USP6: variants seen among roughly 807,000 people sequenced by gnomAD.
USP6 encodes the protein ubiquitin carboxyl-terminal hydrolase 6.
In USP6, 128 loss-of-function variants were observed where a neutral mutation model predicts 175.7. The observed-to-expected ratio is 0.73, with a 90% CI of 0.63 to 0.84. USP6 has a LOEUF of 0.84. Among genes scored for constraint, USP6 ranks in the 40% least tolerant of loss-of-function variants. The pLI is 0.00. For synonymous variants in USP6, 562 were observed against 630.6 expected (o/e 0.89, Z 1.63); for missense variants, 1,498 against 1,760.3 (o/e 0.85, Z 2.67).
At chr17:5,147,587 T>C (rs1468826841) in intron 29 of USP6, among the ~76,000 whole-genome samples, 3 of 152,252 alleles carry the variant, frequency 2.0e-5, no homozygotes, top group African/African-American at 7.2e-5. Flanking sequence ...TAGTATGCTT[T>C]GTCTATTCTT....
chr17:5,148,722 T>A lies in USP6; in HGVS notation c.2598T>A (p.Pro866=). 6.2e-7 allele frequency: 1 copy of A among 1,613,920 alleles called. No individual in the cohort carries two copies. Among genetic ancestry groups the A allele is most frequent in the Non-Finnish European group, 8.5e-7 (1 of 1,179,844 alleles). Residue 866 remains proline (P), a synonymous_variant, in exon 30 of 38, where the codon CCT becomes CCA. Transcript: ENST00000574788. The part of the protein sequence containing the change: ...GMVNGHMPSL[P]DSPFTGYIIA... ...TTAATGGTCACATGCCATCTCTTCC[T>A]GACAGCCCCTTTACAGGTTACATCA...
chr17:5,161,773 T>A (rs1243969421), intron 32 of USP6, among the ~76,000 whole-genome samples, 159 bp downstream of exon 32: 9 of 152,248 alleles, frequency 5.9e-5, no homozygotes, highest in Admixed American at 5.9e-4. Flanking sequence ...CCCATCACTT[T>A]GAGAAGCCGA....
intron 4 of USP6, among the ~76,000 whole-genome samples, chr17:5,123,483 C>T (rs955108236): frequency 1.3e-5 from 2 of 152,080 alleles, no homozygotes; most frequent in Non-Finnish European, 2.9e-5. Flanking sequence ...CCGCGTCACC[C>T]GGCAGCAAAC....
chr17:5,164,569 G>A (rs1220264482), intron 33 of USP6, among the ~76,000 whole-genome samples: 2 of 152,168 alleles, frequency 1.3e-5, no homozygotes, highest in African/African-American at 2.4e-5. Flanking sequence ...GTGTGCAATC[G>A]GAAAAGCTCT....
intron 4 of USP6, among the ~76,000 whole-genome samples, chr17:5,123,333 C>A (rs370840459): frequency 6.6e-6 from 1 of 152,034 alleles, no homozygotes; most frequent in South Asian, 2.1e-4. Flanking sequence ...CCTCCCCGCC[C>A]GGGCACGGCC....
At position 5,130,391 on chromosome 17, in the gene USP6, T is replaced by C. The variant is rs762989450; in HGVS notation, c.24T>C (p.Asp8=). The change falls in exon 10 of 38, where the codon GAT becomes GAC. Residue 8 remains aspartate, a synonymous_variant. Coordinates refer to ENST00000574788, the MANE Select transcript of USP6 (RefSeq NM_001304284.2). ...GGATGGACATGGTAGAGAATGCAGA[T>C]AGTTTGCAGGCACAGGAGCGGAAGG... The part of the protein sequence containing the change: MDMVENA[D]SLQAQERKDI... 11 of 1,613,992 alleles carry C rather than the reference T, an allele frequency of 6.8e-6. No individual in the cohort carries two copies. Among genetic ancestry groups the C allele is most frequent in the African/African-American group, 1.3e-5 (1 of 74,894 alleles).
rs759660648 is a variant in USP6 at position 5,155,606 on chromosome 17, G to A, written c.2828G>A (p.Arg943His). 22 of 1,613,634 alleles carry A rather than the reference G, an allele frequency of 1.4e-5. No individual in the cohort carries two copies. Among genetic ancestry groups the A allele is most frequent in the Middle Eastern group, 1.7e-4 (1 of 6,060 alleles). Reference sequence around the variant, plus strand: ...GAAGCTAGTATTCATGCCCAGGATCGGTGAGTTCAGGGGATCCATCTAAAC... The same window carrying A: ...GAAGCTAGTATTCATGCCCAGGATCAGTGAGTTCAGGGGATCCATCTAAAC... ...PQEASIHAQD[R>H]DNCMGYQYPF... Residue 943 changes from arginine (R) to histidine (H), a missense_variant and splice_region_variant, in exon 31 of 38, where the codon CGT becomes CAT. By Grantham distance (29) the Arg-to-His change is conservative. This residue lies in a region of USP6 where 1,217 missense variants were observed against 1,500.8 expected (regional missense o/e 0.81). Coordinates refer to ENST00000574788, the MANE Select transcript of USP6 (RefSeq NM_001304284.2).
chr17:5,145,373 T>C, intron 26 of USP6, 32 bp from the exon 27 acceptor site: 1 of 1,550,454 alleles, frequency 6.4e-7, no homozygotes, highest in South Asian at 1.2e-5. Context: ...TTTTGGATTT[T>C]GAGAGAAAAT....
chr17:5,155,113 A>G (rs1390714137), intron 30 of USP6, among the ~76,000 whole-genome samples: 1 of 152,242 alleles, frequency 6.6e-6, no homozygotes, highest in Non-Finnish European at 1.5e-5. Context: ...ACTAGTTTTT[A>G]CATGTGATTC....
At chr17:5,169,804 A>G (rs2074175021) in intron 35 of USP6, among the ~76,000 whole-genome samples, 2 of 151,980 alleles carry the variant, frequency 1.3e-5, no homozygotes, top group Non-Finnish European at 2.9e-5. Context: ...TCTCTCACAG[A>G]TGTACAATGG....
In USP6 at chr17:5,128,978, A is replaced by T. The variant is rs1347976981; in HGVS notation, c.-311A>T. The T allele has an allele frequency of 1.3e-5, 2 of 152,732 alleles. No individual in the cohort carries two copies. The highest frequency in any genetic ancestry group is 2.9e-5 in the Non-Finnish European group (2 of 68,138). The allele number at this position is 152,732 out of a possible 1,614,324, so 9.5% of individuals were successfully genotyped here. ...CTGACTTGGGGACAGTGGCTATGGT[A>T]TGGGCGGTGTTGGCCTCTGGGCAGC... On this transcript the variant is annotated 5_prime_UTR_variant, in exon 8 of 38. An upstream start codon of the reference 5' UTR is lost. Transcript: ENST00000574788.
chr17:5,151,730 A>G (rs2073778224), intron 30 of USP6, among the ~76,000 whole-genome samples: 1 of 152,194 alleles, frequency 6.6e-6, no homozygotes, highest in Admixed American at 6.5e-5. Context: ...CAAAGAGAAC[A>G]TTGCAGGGTG....
chr17:5,135,998 C>T (rs1474599688), intron 17 of USP6, 70 bp downstream of exon 17: 76 of 1,594,384 alleles, frequency 4.8e-5, no homozygotes, highest in Non-Finnish European at 5.5e-5. Flanking sequence ...CAGGTGATCT[C>T]GGCTTTCAGC....
At chr17:5,120,230 G>A (rs950256330) in intron 2 of USP6, among the ~76,000 whole-genome samples, 4 of 152,138 alleles carry the variant, frequency 2.6e-5, no homozygotes, top group African/African-American at 9.7e-5. Context: ...TGACACCAAC[G>A]TAGGGTTGCT....
rs149187210 is a variant in USP6 at position 5,167,980 on chromosome 17, G to A, written c.3085G>A (p.Glu1029Lys). ...SVEQSRRAQA[E>K]PINLDSCLRA... ...GGAGCAGAGTCGGCGAGCGCAAGCC[G>A]AGCCCATCAACCTGGACAGCTGTCT... Residue 1029 changes from glutamate to lysine, a missense_variant, in exon 34 of 38, where the codon GAG (glutamate) becomes AAG (lysine). By Grantham distance (56) the Glu-to-Lys change is moderately conservative (BLOSUM62 1). Coordinates refer to ENST00000574788, the MANE Select transcript of USP6 (RefSeq NM_001304284.2). 22 of 1,611,934 alleles carry A rather than the reference G, an allele frequency of 1.4e-5. No homozygotes were observed. The highest frequency in any genetic ancestry group is 1.2e-4 in the African/African-American group (9 of 74,938).
rs775196233 is a variant in USP6 at position 5,148,689 on chromosome 17, T to G, written c.2565T>G (p.Asn855Lys). 3 of 1,613,938 alleles carry G rather than the reference T, an allele frequency of 1.9e-6. No individual in the cohort carries two copies. The highest frequency in any genetic ancestry group is 2.5e-6 in the Non-Finnish European group (3 of 1,179,854). ...GTGGAACTGAGAAGAACTTCACAAA[T>G]GGAATGGTTAATGGTCACATGCCAT... ...VPCGTEKNFT[N>K]GMVNGHMPSL... is the part of the protein sequence containing the mutation. Residue 855 changes from asparagine (N) to lysine (K), a missense_variant, in exon 30 of 38, where the codon AAT becomes AAG. Physicochemically the swap from Asn to Lys is moderately conservative, Grantham distance 94 (BLOSUM62 0). Around this residue, in one of 2 missense-constraint regions of USP6, gnomAD observed 1,217 missense variants for 1,500.8 expected, o/e 0.81. Coordinates refer to ENST00000574788, the MANE Select transcript of USP6 (RefSeq NM_001304284.2).
At position 5,137,111 on chromosome 17, in the gene USP6, A is replaced by C. The variant is rs749468161; in HGVS notation, c.760-10A>C. On this transcript the variant is annotated splice_polypyrimidine_tract_variant and intron_variant, in intron 18 of 37. Transcript: ENST00000574788. ...CAGGGGGCCCTGAGCACCTCTGTTC[A>C]TCCCATCAGGACAAGGAAGGTCTAT... 22 of 1,613,252 alleles carry C rather than the reference A, an allele frequency of 1.4e-5. No homozygotes were observed. The highest frequency in any genetic ancestry group is 1.6e-4 in the Middle Eastern group (1 of 6,068).
At chr17:5,159,841 T>G (rs1026787920) in intron 31 of USP6, among the ~76,000 whole-genome samples, 2 of 151,556 alleles carry the variant, frequency 1.3e-5, no homozygotes, top group African/African-American at 2.4e-5. Flanking sequence ...TGCATGCCTG[T>G]AATCCTAGCT....
At chr17:5,172,737 T>C in intron 37 of USP6, 68 bp from the exon 38 acceptor site, 1 of 1,588,518 alleles carries the variant, frequency 6.3e-7, no homozygotes, top group African/African-American at 1.3e-5. Flanking sequence ...TGGTCTTCCC[T>C]TTCCTGGCAA....
Sources: allele counts gnomAD v4.1 joint callset (sites outside exome capture counted in the v4.1 genomes callset), GRCh38; gene constraint gnomAD v4.1.1; regional missense constraint gnomAD v4.1.1; transcripts MANE v1.5; gene names NCBI Gene and HGNC (gene_info 2026-07-23, HGNC 2026-07-21).